The following SEMA3D variants were observed in gnomAD, a reference collection of about 807,000 sequenced individuals.
SEMA3D encodes semaphorin 3D, also known as semaphorin-3D.
A neutral mutation model predicts 100.1 loss-of-function variants in SEMA3D; 84 were observed. That is an observed-to-expected ratio of 0.84 (90% CI 0.70 to 1.01). The LOEUF (loss-of-function observed/expected upper bound fraction) is 1.01. SEMA3D is among the 50% of genes least tolerant of loss of function. The pLI is 0.00. For missense variants in SEMA3D, 875 were observed against 934.1 expected, an observed-to-expected ratio of 0.94 and a Z score of 0.82; for synonymous variants, 312 against 320.7, an observed-to-expected ratio of 0.97 and a Z score of 0.29.
intron 2 of SEMA3D, chr7:85,142,774 C>T (rs945462402): frequency 2.5e-5 from 25 of 983,990 alleles, no homozygotes; most frequent in Non-Finnish European, 2.9e-5. Flanking sequence ...CCAGACTAAC[C>T]ACATGATGTG....
chr7:85,243,926 C>T, the SEMA3D span, among the ~76,000 whole-genome samples: 2 of 152,170 alleles, frequency 1.3e-5, no homozygotes, highest in African/African-American at 4.8e-5. Context: ...TTGTTTACTG[C>T]ATTCAAGAAA....
intron 2 of SEMA3D, among the ~76,000 whole-genome samples, chr7:85,153,272 A>G (rs1417128956): frequency 6.6e-6 from 1 of 152,162 alleles, no homozygotes; most frequent in East Asian, 1.9e-4. Context: ...TATATAACTA[A>G]CAGGACTCAA....
At chr7:85,069,015 T>A (rs191663813) in intron 6 of SEMA3D, among the ~76,000 whole-genome samples, 1 of 152,204 alleles carries the variant, frequency 6.6e-6, no homozygotes, top group East Asian at 1.9e-4. Context: ...AAAATATGAA[T>A]GTATAATGAA....
intron 15 of SEMA3D, among the ~76,000 whole-genome samples, chr7:85,015,735 C>T (rs1790079515): frequency 6.6e-6 from 1 of 151,776 alleles, no homozygotes; most frequent in South Asian, 2.1e-4. Context: ...TGTTATCACT[C>T]TGAAGAAAGT....
chr7:85,099,783 T>C (rs905300291), intron 3 of SEMA3D, among the ~76,000 whole-genome samples: 3 of 151,976 alleles, frequency 2.0e-5, no homozygotes, highest in African/African-American at 7.2e-5. Context: ...CCATATGATA[T>C]GGAGAATCTT....
chr7:85,085,441 G>T (rs1305198973), intron 4 of SEMA3D, among the ~76,000 whole-genome samples: 4 of 152,122 alleles, frequency 2.6e-5, no homozygotes, highest in Non-Finnish European at 4.4e-5. Context: ...CTTATTTAAA[G>T]AATGACAAAA....
intron 3 of SEMA3D, among the ~76,000 whole-genome samples, chr7:85,109,832 A>T (rs536419823): frequency 4.6e-5 from 7 of 152,090 alleles, no homozygotes; most frequent in African/African-American, 1.7e-4. Context: ...AGGGAAGTTG[A>T]ATTATGAAAT....
chr7:85,097,460 A>G (rs527664777), intron 4 of SEMA3D, among the ~76,000 whole-genome samples: 1 of 152,030 alleles, frequency 6.6e-6, no homozygotes, highest in Admixed American at 6.6e-5. Context: ...TAGGATATAA[A>G]TATTCATTCT....
At chr7:85,221,602 A>G in the SEMA3D span, among the ~76,000 whole-genome samples, 8 of 152,116 alleles carry the variant, frequency 5.3e-5, no homozygotes, top group Non-Finnish European at 1.0e-4. Context: ...ACAGATAGCT[A>G]AGTGTGTAAT....
In SEMA3D at chr7:85,112,158, C is replaced by A. The variant is rs182147734; in HGVS notation, c.151+9583G>T. Among the ~76,000 whole-genome samples, 154 of 152,170 alleles carry A rather than the reference C, an allele frequency of 1.0e-3. 1 individual carries two copies. The highest frequency in any genetic ancestry group is 3.5e-3 in the African/African-American group (147 of 41,530). ...TCAAAACAAATCAATACAAATCAAA[C>A]AAATCAAACAAGTTTAGATGAGTTA... On this transcript the variant is annotated intron_variant, in intron 3 of 18. Transcript: ENST00000284136.
chr7:85,142,673 CATTT>C, intron 2 of SEMA3D: 2 of 675,878 alleles, frequency 3.0e-6, no homozygotes, highest in Non-Finnish European at 3.4e-6. Flanking sequence ...AGAAGGATGG[CATTT>C]TTTTTTTTTT....
At chr7:85,032,873 T>C (rs926822821) in intron 12 of SEMA3D, among the ~76,000 whole-genome samples, 4 of 152,034 alleles carry the variant, frequency 2.6e-5, no homozygotes, top group African/African-American at 9.7e-5. Flanking sequence ...GGTGGAGTCT[T>C]TCAGAAGGAG....
At chr7:85,016,236 C>T (rs10227671) in intron 15 of SEMA3D, among the ~76,000 whole-genome samples, 3,724 of 140,272 alleles carry the variant, frequency 0.027, 177 homozygotes, top group African/African-American at 0.094. Flanking sequence ...AGACATTTGT[C>T]TCCTTTGTGA....
chr7:85,068,188 T>TA lies in SEMA3D; in HGVS notation c.589+2dup. On this transcript the variant is annotated splice_region_variant and intron_variant, in intron 7 of 18. Coordinates refer to ENST00000284136, the MANE Select transcript of SEMA3D (RefSeq NM_001384900.1). ...GATAAGAACTGCCTGTCATTGATCT[T>TA]ACCTGTCATTACTGAAGCAAAAGGC... The TA allele has an allele frequency of 6.4e-7, 1 of 1,553,230 alleles. No homozygotes were observed. The highest frequency in any genetic ancestry group is 1.7e-5 in the Admixed American group (1 of 59,874).
intron 3 of SEMA3D, among the ~76,000 whole-genome samples, chr7:85,114,099 T>C (rs1417974933): frequency 2.6e-5 from 4 of 152,168 alleles, no homozygotes; most frequent in Non-Finnish European, 5.9e-5. Context: ...GTCAATAAGT[T>C]GTCATGAGAG....
intron 3 of SEMA3D, among the ~76,000 whole-genome samples, chr7:85,110,580 CATTT>C (rs1789066614): frequency 1.3e-5 from 2 of 151,992 alleles, no homozygotes; most frequent in South Asian, 4.1e-4. Context: ...GAACAAGATG[CATTT>C]ATTATGCAAA....
intron 3 of SEMA3D, among the ~76,000 whole-genome samples, chr7:85,108,826 G>T (rs531067029): frequency 6.6e-6 from 1 of 151,566 alleles, no homozygotes; most frequent in African/African-American, 2.4e-5. Context: ...TTCCTTAATT[G>T]CTAGAAGTGA....
intron 3 of SEMA3D, among the ~76,000 whole-genome samples, chr7:85,104,254 T>G (rs1170650350): frequency 3.3e-5 from 5 of 152,042 alleles, no homozygotes; most frequent in African/African-American, 1.2e-4. Flanking sequence ...CACAGCCTAG[T>G]GGAGAGAAAA....
intron 17 of SEMA3D, among the ~76,000 whole-genome samples, chr7:85,011,207 G>GCA (rs1789942565): frequency 2.0e-5 from 3 of 151,878 alleles, no homozygotes; most frequent in African/African-American, 7.2e-5. Flanking sequence ...ACTGGCTCTA[G>GCA]CACACAAATG....
Sources: gnomAD v4.1 joint callset for allele counts (sites outside exome capture counted in the v4.1 genomes callset) on GRCh38, gnomAD v4.1.1 for gene constraint, MANE v1.5 for transcripts, NCBI Gene and HGNC (gene_info 2026-07-23, HGNC 2026-07-21) for gene names.